Variants in CAMK4 observed in about 807,000 individuals in gnomAD.
CAMK4 encodes the protein calcium/calmodulin-dependent protein kinase type IV.
CAMK4 carries 22 observed loss-of-function variants against 44.9 expected under a neutral mutation model. That is an observed-to-expected ratio of 0.49 (90% CI 0.35 to 0.70). CAMK4 has a LOEUF of 0.70. Among genes scored for constraint, CAMK4 ranks in the 30% least tolerant of loss-of-function variants. The probability of loss-of-function intolerance (pLI) is 0.01; values close to 1 mark genes in which losing one functional copy is unlikely to be tolerated. For missense variants in CAMK4, 498 were observed against 586.8 expected (o/e 0.85, Z 1.56); for synonymous variants, 218 against 215.4 (o/e 1.01, Z -0.11).
At chr5:111,356,959 C>T (rs377083503) in intron 2 of CAMK4, among the ~76,000 whole-genome samples, 1 of 151,840 alleles carries the variant, frequency 6.6e-6, no homozygotes, top group African/African-American at 2.4e-5. Flanking sequence ...GAGAGAGAGA[C>T]AGACAGACAG....
At chr5:111,249,554 T>C (rs1749386860) in intron 1 of CAMK4, among the ~76,000 whole-genome samples, 1 of 151,242 alleles carries the variant, frequency 6.6e-6, no homozygotes, top group Admixed American at 6.6e-5. Context: ...AGGCTGACTA[T>C]GAAAATGACT....
intron 2 of CAMK4, among the ~76,000 whole-genome samples, chr5:111,346,822 A>AAAACAAACAAAC (rs140958825): frequency 0.1 from 11,733 of 116,610 alleles, 864 homozygotes; most frequent in African/African-American, 0.22. Flanking sequence ...CCCAGTGTGC[A>AAAACAAACAAAC]AAACAAACAA....
chr5:111,294,693 A>G (rs1013755747), intron 1 of CAMK4, among the ~76,000 whole-genome samples: 10 of 151,810 alleles, frequency 6.6e-5, no homozygotes, highest in East Asian at 1.9e-4. Flanking sequence ...TTTTTTGAGA[A>G]AATCCAGTGG....
Position 111,408,341 on chromosome 5 carries a change from T to C in CAMK4, c.459+13559T>C, listed in dbSNP as rs149559023. On this transcript the variant is annotated intron_variant, in intron 5 of 10. Coordinates refer to ENST00000282356, the MANE Select transcript of CAMK4 (RefSeq NM_001744.6). Reference sequence around the variant, plus strand: ...CATGGCTGGGGAGGCCTCACCATCATGGCAGAAGGCAAAGGAGAAGCAAAG... The same window carrying C: ...CATGGCTGGGGAGGCCTCACCATCACGGCAGAAGGCAAAGGAGAAGCAAAG... Among the ~76,000 whole-genome samples, 782 of 152,288 alleles carry C rather than the reference T, an allele frequency of 5.1e-3. 4 individuals carry two copies. Among genetic ancestry groups the C allele is most frequent in the African/African-American group, 0.018 (735 of 41,566 alleles).
chr5:111,362,491 G>A (rs1229332152), intron 2 of CAMK4, among the ~76,000 whole-genome samples: 1 of 151,870 alleles, frequency 6.6e-6, no homozygotes, highest in Non-Finnish European at 1.5e-5. Flanking sequence ...GTAAAAAGAA[G>A]TATACATACA....
At chr5:111,458,536 C>T (rs1384161576) in intron 7 of CAMK4, among the ~76,000 whole-genome samples, 1 of 151,792 alleles carries the variant, frequency 6.6e-6, no homozygotes, top group African/African-American at 2.4e-5. Flanking sequence ...AAAAACCAGA[C>T]CAAAAGAACT....
At chr5:111,430,763 A>G (rs1253712547) in intron 5 of CAMK4, among the ~76,000 whole-genome samples, 2 of 152,200 alleles carry the variant, frequency 1.3e-5, no homozygotes, top group East Asian at 3.8e-4. Context: ...AAAGATCTCT[A>G]TAATTACAAC....
chr5:111,434,717 G>T (rs1323387088), intron 5 of CAMK4, among the ~76,000 whole-genome samples: 4 of 152,188 alleles, frequency 2.6e-5, no homozygotes, highest in Admixed American at 2.6e-4. Context: ...CTCCAAAGCA[G>T]ACATGACACC....
At chr5:111,476,272 T>TGTGA (rs1491338442) in intron 8 of CAMK4, among the ~76,000 whole-genome samples, 1 of 124,330 alleles carries the variant, frequency 8.0e-6, no homozygotes, top group Non-Finnish European at 1.6e-5. Flanking sequence ...TGTGTGTGTT[T>TGTGA]GTGTGTGTGT....
chr5:111,458,161 C>T (rs1046043512), intron 7 of CAMK4, among the ~76,000 whole-genome samples: 3 of 152,180 alleles, frequency 2.0e-5, no homozygotes, highest in East Asian at 3.8e-4. Flanking sequence ...GTCCCCAAGC[C>T]GTCATATAAC....
chr5:111,320,468 A>C (rs1748614288), intron 1 of CAMK4, among the ~76,000 whole-genome samples: 1 of 151,692 alleles, frequency 6.6e-6, no homozygotes, highest in Admixed American at 6.6e-5. Flanking sequence ...ATGTAGTACT[A>C]TTCATATATG....
intron 1 of CAMK4, among the ~76,000 whole-genome samples, chr5:111,324,579 A>C (rs1748795640): frequency 6.6e-6 from 1 of 152,028 alleles, no homozygotes; most frequent in African/African-American, 2.4e-5. Flanking sequence ...TTGAAGGAGA[A>C]GAGAAAAATA....
chr5:111,399,287 T>C (rs1038132125), intron 5 of CAMK4, among the ~76,000 whole-genome samples: 1 of 152,176 alleles, frequency 6.6e-6, no homozygotes, highest in African/African-American at 2.4e-5. Context: ...TTTCTATGGC[T>C]CATTTCTCTA....
chr5:111,443,310 ACACAC>A (rs1215001491), intron 5 of CAMK4, among the ~76,000 whole-genome samples: 5 of 120,954 alleles, frequency 4.1e-5, no homozygotes, highest in African/African-American at 1.5e-4. Flanking sequence ...ACACACACAC[ACACAC>A]TATATATATA....
intron 1 of CAMK4, among the ~76,000 whole-genome samples, chr5:111,243,398 T>C (rs1386546398): frequency 6.6e-6 from 1 of 152,194 alleles, no homozygotes; most frequent in African/African-American, 2.4e-5. Context: ...TAGTGGGTTA[T>C]TGCCAGATTG....
rs1580820355 is a variant in CAMK4, at chr5:111,488,289, C to T, written c.*3823C>T. The stretch of plus-strand genomic sequence containing the variant: ...AGTTATCCTCAAAGTGGGAATATGA[C>T]CATTAGCTGGCATTTTTTAAGATTT... On this transcript the variant is annotated 3_prime_UTR_variant, in exon 11 of 11. Coordinates refer to ENST00000282356, the MANE Select transcript of CAMK4 (RefSeq NM_001744.6). The T allele has an allele frequency of 6.6e-6, 1 of 152,268 alleles. No individual in the cohort carries two copies. The highest frequency in any genetic ancestry group is 1.9e-4 in the East Asian group (1 of 5,192). The allele number at this position is 152,268 out of a possible 1,614,324, so 9.4% of individuals were successfully genotyped here. A position where few individuals can be genotyped will look rare whatever the true frequency, so the allele number is the denominator to read the frequency against.
rs1432427184 is a variant in CAMK4, at chr5:111,485,738, T to C, written c.*1272T>C. 2 of 152,174 alleles carry C rather than the reference T, an allele frequency of 1.3e-5. No homozygotes were observed. Among genetic ancestry groups the C allele is most frequent in the East Asian group, 3.8e-4 (2 of 5,202 alleles). The allele number at this position is 152,174 out of a possible 1,614,324, so 9.4% of individuals were successfully genotyped here. On this transcript the variant is annotated 3_prime_UTR_variant, in exon 11 of 11. Coordinates refer to ENST00000282356, the MANE Select transcript of CAMK4 (RefSeq NM_001744.6). The stretch of plus-strand genomic sequence containing the variant: ...AAACAAAAATAAAGAAAAATACTGA[T>C]TTCAAATCAGACTCTTAAAAAGCTG...
At chr5:111,369,949 G>A (rs1750940718) in intron 2 of CAMK4, among the ~76,000 whole-genome samples, 2 of 151,996 alleles carry the variant, frequency 1.3e-5, no homozygotes, top group African/African-American at 4.8e-5. Context: ...TTGAATAGAA[G>A]ATGCCGAACC....
chr5:111,462,945 T>C (rs927440799), intron 7 of CAMK4, among the ~76,000 whole-genome samples: 9 of 152,208 alleles, frequency 5.9e-5, no homozygotes, highest in African/African-American at 2.2e-4. Context: ...GGTATGTTAA[T>C]GAATATATAA....
Sources: allele counts gnomAD v4.1 joint callset (sites outside exome capture counted in the v4.1 genomes callset), GRCh38; gene constraint gnomAD v4.1.1; transcripts MANE v1.5; gene names NCBI Gene and HGNC (gene_info 2026-07-23, HGNC 2026-07-21).